The following FRMD3 variants were observed in gnomAD, a reference collection of about 807,000 sequenced individuals.
FRMD3 encodes FERM domain-containing protein 3.
A neutral mutation model predicts 70.2 loss-of-function variants in FRMD3; 33 were observed. That is an observed-to-expected ratio of 0.47 (90% confidence interval 0.36 to 0.63). The LOEUF (loss-of-function observed/expected upper bound fraction) is 0.63. Ranked by LOEUF, FRMD3 falls within the 20% of genes least tolerant of loss-of-function variation. The probability of loss-of-function intolerance (pLI) is 0.00; values close to 1 mark genes in which losing one functional copy is unlikely to be tolerated. For missense variants in FRMD3, 632 were observed against 711.4 expected (o/e 0.89, Z 1.27); for synonymous variants, 279 against 255.9 (o/e 1.09, Z -0.86).
At chr9:83,371,852 G>T (rs1290290625) in intron 3 of FRMD3, among the ~76,000 whole-genome samples, 1 of 152,160 alleles carries the variant, frequency 6.6e-6, no homozygotes, top group East Asian at 1.9e-4. Flanking sequence ...AAGGAGGAAT[G>T]GGAAGGGAGG....
At chr9:83,433,643 A>C (rs554880931) in intron 1 of FRMD3, among the ~76,000 whole-genome samples, 1 of 152,238 alleles carries the variant, frequency 6.6e-6, no homozygotes, top group African/African-American at 2.4e-5. Flanking sequence ...GGGAGCCCTG[A>C]GCTTGTTTTC....
chr9:83,382,921 A>T (rs1825400853), intron 2 of FRMD3, among the ~76,000 whole-genome samples: 1 of 152,116 alleles, frequency 6.6e-6, no homozygotes, highest in Admixed American at 6.6e-5. Flanking sequence ...TCTCTCATGC[A>T]TCCCAACTCA....
the FRMD3 span, among the ~76,000 whole-genome samples, chr9:83,546,060 CAAAAA>C: frequency 1.0e-5 from 1 of 95,792 alleles, no homozygotes; most frequent in African/African-American, 3.8e-5. Context: ...TTTCAGTCTT[CAAAAA>C]AAAAAAAAAA....
At chr9:83,280,997 G>C (rs1329475514) in intron 13 of FRMD3, among the ~76,000 whole-genome samples, 1 of 152,110 alleles carries the variant, frequency 6.6e-6, no homozygotes, top group African/African-American at 2.4e-5. Flanking sequence ...TCTGAACCTT[G>C]CCTGTATTGC....
chr9:83,290,652 G>C lies in FRMD3; in HGVS notation c.1146C>G (p.Pro382=). ...QLIINMEPLQ[P]LLPSPSEQEE... ...CTTGCTCGCTGGGGGAAGGAAGCAG[G>C]GGCTGCAGGGGTTCCATGTTAATGA... is the stretch of plus-strand genomic sequence containing the variant. The change falls in exon 13 of 14, where the codon CCC becomes CCG. Residue 382 remains proline, a synonymous_variant. Coordinates refer to ENST00000304195, the MANE Select transcript of FRMD3 (RefSeq NM_174938.6). 1 of 1,614,044 alleles carries C rather than the reference G, an allele frequency of 6.2e-7. No individual in the cohort carries two copies. The highest frequency in any genetic ancestry group is 1.3e-5 in the African/African-American group (1 of 75,024).
chr9:83,502,294 T>C (rs1015594228), intron 1 of FRMD3, among the ~76,000 whole-genome samples: 1 of 152,176 alleles, frequency 6.6e-6, no homozygotes, highest in African/African-American at 2.4e-5. Flanking sequence ...CCTGCCTTTT[T>C]GATGGAGGGT....
intron 1 of FRMD3, among the ~76,000 whole-genome samples, chr9:83,400,735 T>C (rs905146421): frequency 2.0e-5 from 3 of 152,160 alleles, no homozygotes; most frequent in Admixed American, 2.0e-4. Flanking sequence ...CTCACACAAA[T>C]ATAGTCAACT....
In FRMD3 at chr9:83,280,355, G is replaced by A. The variant is rs145957577; in HGVS notation, c.1195+10248C>T. 3.9e-5 allele frequency among the ~76,000 whole-genome samples: 6 copies of A among 152,266 alleles called. No homozygotes were observed. The East Asian group carries it at 1.2e-3, about 29-fold the overall frequency. On this transcript the variant is annotated intron_variant, in intron 13 of 13. Transcript: ENST00000304195. ...GTGCAGTCCAGCACCTGTGTATATTGGAGACTTAGGGGTCACCATACGATG... is the reference window on the plus strand; with the variant it reads ...GTGCAGTCCAGCACCTGTGTATATTAGAGACTTAGGGGTCACCATACGATG...
At position 83,323,524 on chromosome 9, in the gene FRMD3, A is replaced by T. The variant is rs78091530; in HGVS notation, c.597-9777T>A. ...TTTCGTGAGGGTTTTGCCTTCATGA[A>T]TATATTCAGTTTGCCGTGCTCATGC... On this transcript the variant is annotated intron_variant, in intron 6 of 13. Coordinates refer to ENST00000304195, the MANE Select transcript of FRMD3 (RefSeq NM_174938.6). Among the ~76,000 whole-genome samples, 603 of 152,298 alleles carry T rather than the reference A, an allele frequency of 4.0e-3. 6 individuals are homozygous for T. Among genetic ancestry groups the T allele is most frequent in the African/African-American group, 0.012 (510 of 41,558 alleles).
the FRMD3 span, among the ~76,000 whole-genome samples, chr9:83,568,925 T>TAGAC: frequency 9.8e-6 from 1 of 102,314 alleles, no homozygotes; most frequent in African/African-American, 3.6e-5. Context: ...AAAAGATAGA[T>TAGAC]AGATAGATAG....
downstream of FRMD3, among the ~76,000 whole-genome samples, chr9:83,243,671 T>A (rs1279954208): frequency 6.6e-6 from 1 of 152,144 alleles, no homozygotes; most frequent in Non-Finnish European, 1.5e-5. Context: ...TGAATTCCTT[T>A]TCTTGCCTGT....
At chr9:83,282,683 G>A (rs1272364397) in intron 13 of FRMD3, among the ~76,000 whole-genome samples, 1 of 152,234 alleles carries the variant, frequency 6.6e-6, no homozygotes, top group African/African-American at 2.4e-5. Flanking sequence ...CTTGTCTGTG[G>A]TCACCTGGCT....
At chr9:83,553,326 T>A in the FRMD3 span, among the ~76,000 whole-genome samples, 1 of 152,244 alleles carries the variant, frequency 6.6e-6, no homozygotes, top group Non-Finnish European at 1.5e-5. Context: ...TTGTAGGGTT[T>A]CAGCTGAAAG....
chr9:83,318,800 GACA>G (rs1409425552), intron 6 of FRMD3, among the ~76,000 whole-genome samples: 2 of 152,026 alleles, frequency 1.3e-5, no homozygotes, highest in African/African-American at 4.8e-5. Context: ...CTGCATCCTT[GACA>G]ACATCTGTTG....
chr9:83,254,978 C>T (rs1408898301), intron 13 of FRMD3, among the ~76,000 whole-genome samples: 3 of 152,148 alleles, frequency 2.0e-5, no homozygotes, highest in Non-Finnish European at 2.9e-5. Context: ...ACCATTTATA[C>T]TGAAAGTATT....
At chr9:83,261,528 T>C (rs1832995254) in intron 13 of FRMD3, among the ~76,000 whole-genome samples, 1 of 152,206 alleles carries the variant, frequency 6.6e-6, no homozygotes, top group Non-Finnish European at 1.5e-5. Context: ...CCAATGATTC[T>C]AAGCTACCTC....
At chr9:83,297,126 T>C (rs1401251048) in intron 12 of FRMD3, among the ~76,000 whole-genome samples, 1 of 152,212 alleles carries the variant, frequency 6.6e-6, no homozygotes, top group Non-Finnish European at 1.5e-5. Flanking sequence ...ATGGTAACTT[T>C]GAGACTCAAA....
chr9:83,349,440 T>TC (rs891172193), intron 4 of FRMD3, among the ~76,000 whole-genome samples: 1 of 152,120 alleles, frequency 6.6e-6, no homozygotes, highest in Non-Finnish European at 1.5e-5. Flanking sequence ...AGAGAACACC[T>TC]CCCCCATCAT....
At chr9:83,387,976 C>T (rs1825558649) in intron 2 of FRMD3, among the ~76,000 whole-genome samples, 1 of 152,112 alleles carries the variant, frequency 6.6e-6, no homozygotes, top group Non-Finnish European at 1.5e-5. Context: ...TCAGTAAACA[C>T]CACACACGCC....
Sources: allele counts gnomAD v4.1 joint callset (sites outside exome capture counted in the v4.1 genomes callset), GRCh38; gene constraint gnomAD v4.1.1; transcripts MANE v1.5; gene names NCBI Gene and HGNC (gene_info 2026-07-23, HGNC 2026-07-21).